The following HNF4G variants were observed in gnomAD, a reference collection of about 807,000 sequenced individuals.
The protein encoded by HNF4G is hepatocyte nuclear factor 4 gamma, also known as hepatocyte nuclear factor 4-gamma.
In HNF4G, 21 loss-of-function variants were observed where a neutral mutation model predicts 50.9. That is an observed-to-expected ratio of 0.41 (90% CI 0.29 to 0.59). The LOEUF (loss-of-function observed/expected upper bound fraction) is 0.59, where lower values mean the gene tolerates loss of function less well. HNF4G is among the 20% of genes least tolerant of loss of function. The pLI, the probability that HNF4G is intolerant of heterozygous loss-of-function variation, is 0.26. For synonymous variants in HNF4G, 198 were observed against 185.6 expected (o/e 1.07, Z -0.54); for missense variants, 527 against 559.4 (o/e 0.94, Z 0.58).
chr8:75,473,354 T>A (rs957077298), intron 1 of HNF4G, among the ~76,000 whole-genome samples: 8 of 152,262 alleles, frequency 5.3e-5, no homozygotes, highest in Non-Finnish European at 7.4e-5. Flanking sequence ...ATGTGATACA[T>A]ACATAAAATA....
chr8:75,497,602 TGAACCCA>T (rs1812806441), intron 2 of HNF4G, among the ~76,000 whole-genome samples: 1 of 151,814 alleles, frequency 6.6e-6, no homozygotes, highest in South Asian at 2.1e-4. Context: ...GAGAATTGCT[TGAACCCA>T]GGAGGCGGAG....
intron 1 of HNF4G, among the ~76,000 whole-genome samples, chr8:75,415,373 T>C (rs1366657888): frequency 6.6e-6 from 1 of 152,114 alleles, no homozygotes; most frequent in Non-Finnish European, 1.5e-5. Context: ...AGGGTAAAGA[T>C]ATTATATTCA....
At chr8:75,491,183 T>A (rs1812620234) in intron 2 of HNF4G, among the ~76,000 whole-genome samples, 1 of 152,130 alleles carries the variant, frequency 6.6e-6, no homozygotes, top group Admixed American at 6.5e-5. Context: ...ATAACATCTA[T>A]CCCAAGGATT....
chr8:75,546,158 T>A (rs1467741912), intron 2 of HNF4G, among the ~76,000 whole-genome samples: 1 of 152,288 alleles, frequency 6.6e-6, no homozygotes, highest in African/African-American at 2.4e-5. Context: ...TATGTATGGA[T>A]AATTTTTGCC....
chr8:75,468,705 AT>A (rs1358492646), intron 1 of HNF4G, among the ~76,000 whole-genome samples: 1 of 151,694 alleles, frequency 6.6e-6, no homozygotes, highest in Non-Finnish European at 1.5e-5. Context: ...AAAAAAAAAA[AT>A]TATATGTAGA....
At chr8:75,543,712 C>T (rs2130788461) in intron 1 of HNF4G, 99 bp from the exon 2 acceptor site, 2 of 983,966 alleles carry the variant, frequency 2.0e-6, no homozygotes, top group Non-Finnish European at 1.5e-6. Context: ...CTCCAAGAAG[C>T]CAATGAATGG....
At chr8:75,545,970 T>A (rs1287847239) in intron 2 of HNF4G, among the ~76,000 whole-genome samples, 1 of 152,160 alleles carries the variant, frequency 6.6e-6, no homozygotes, top group Admixed American at 6.6e-5. Context: ...AATGCCTTGT[T>A]CTCACTCTGA....
At chr8:75,524,366 C>T (rs1262213232) in intron 2 of HNF4G, among the ~76,000 whole-genome samples, 1 of 152,038 alleles carries the variant, frequency 6.6e-6, no homozygotes, top group African/African-American at 2.4e-5. Context: ...TGTTGTGTGC[C>T]CAAGCTCATC....
upstream of HNF4G, among the ~76,000 whole-genome samples, chr8:75,539,385 C>T (rs1465327761): frequency 1.3e-5 from 2 of 152,094 alleles, no homozygotes; most frequent in Non-Finnish European, 2.9e-5. Flanking sequence ...TGTCATAACT[C>T]CCCACATTTC....
At chr8:75,469,468 C>A (rs1812065020) in intron 1 of HNF4G, among the ~76,000 whole-genome samples, 1 of 152,128 alleles carries the variant, frequency 6.6e-6, no homozygotes, top group Non-Finnish European at 1.5e-5. Flanking sequence ...TTATCAGAAA[C>A]TTTCTCAGAT....
At chr8:75,461,712 A>G (rs554783786) in intron 1 of HNF4G, among the ~76,000 whole-genome samples, 39 of 108,280 alleles carry the variant, frequency 3.6e-4, no homozygotes, top group Admixed American at 2.5e-3. Flanking sequence ...CATGAATAGC[A>G]CTGAACTCTG....
At chr8:75,548,010 ATGGAGTCTCGCTC>A (rs1806839140) in intron 3 of HNF4G, among the ~76,000 whole-genome samples, 1 of 141,110 alleles carries the variant, frequency 7.1e-6, no homozygotes, top group East Asian at 2.0e-4. Flanking sequence ...TTTTTTTGAG[ATGGAGTCTCGCTC>A]TGTCAACCAG....
intron 2 of HNF4G, among the ~76,000 whole-genome samples, chr8:75,522,134 T>A (rs911754193): frequency 5.9e-5 from 9 of 152,218 alleles, no homozygotes; most frequent in Non-Finnish European, 1.0e-4. Flanking sequence ...ACAAAAGCTG[T>A]ATTCATTAGA....
chr8:75,407,873 C>CGGCGCGG (rs1810398856), upstream of HNF4G: 2 of 152,168 alleles, frequency 1.3e-5, no homozygotes, highest in South Asian at 4.1e-4. Context: ...CGGGACAGCG[C>CGGCGCGG]GACGGGGTGG....
At chr8:75,472,786 T>C (rs1812146230) in intron 1 of HNF4G, among the ~76,000 whole-genome samples, 1 of 152,198 alleles carries the variant, frequency 6.6e-6, no homozygotes, top group Non-Finnish European at 1.5e-5. Context: ...GGCAGGAATT[T>C]CTTTGCTGTG....
At chr8:75,466,547 CCTT>C (rs1185227741) in intron 1 of HNF4G, among the ~76,000 whole-genome samples, 1 of 148,526 alleles carries the variant, frequency 6.7e-6, no homozygotes, top group Non-Finnish European at 1.5e-5. Flanking sequence ...CTCTCCTCCT[CCTT>C]CTTCTCTTCT....
upstream of HNF4G, among the ~76,000 whole-genome samples, chr8:75,537,412 T>C (rs1806494053): frequency 3.3e-5 from 5 of 152,088 alleles, no homozygotes; most frequent in Admixed American, 2.0e-4. Flanking sequence ...CCTGTCTAGT[T>C]TTTTTGTATT....
chr8:75,553,191 T>C lies in HNF4G; in HGVS notation c.639T>C (p.Asp213=). Residue 213 remains aspartate (D), a synonymous_variant, in exon 5 of 10, where the codon GAT becomes GAC. Coordinates refer to ENST00000396423, the MANE Select transcript of HNF4G (RefSeq NM_004133.5). ...CTGCCTTCTGTGAATTACCATTGGA[T>C]GATCAGGTACACATTTAAAACTTTA... ...YIPAFCELPL[D]DQVALLRAHA... 6.2e-7 allele frequency: 1 copy of C among 1,611,956 alleles called. No homozygotes were observed. Among genetic ancestry groups the C allele is most frequent in the Middle Eastern group, 1.7e-4 (1 of 6,038 alleles).
At chr8:75,472,672 A>G (rs1314937697) in intron 1 of HNF4G, among the ~76,000 whole-genome samples, 6 of 152,348 alleles carry the variant, frequency 3.9e-5, no homozygotes, top group Middle Eastern at 3.4e-3. Context: ...AAAGTAAAGT[A>G]GTATGATATA....
Sources: gnomAD v4.1 joint callset for allele counts (sites outside exome capture counted in the v4.1 genomes callset) on GRCh38, gnomAD v4.1.1 for gene constraint, MANE v1.5 for transcripts, NCBI Gene and HGNC (gene_info 2026-07-23, HGNC 2026-07-21) for gene names.